CACNB2: variants seen among roughly 807,000 people sequenced by gnomAD.
The protein encoded by CACNB2 is calcium voltage-gated channel auxiliary subunit beta 2, also known as voltage-dependent L-type calcium channel subunit beta-2.
In CACNB2, 42 loss-of-function variants were observed where a neutral mutation model predicts 73.3. That is an observed-to-expected ratio of 0.57 (90% CI 0.45 to 0.74). The LOEUF (loss-of-function observed/expected upper bound fraction) is 0.74, where lower values mean the gene tolerates loss of function less well. Among genes scored for constraint, CACNB2 ranks in the 30% least tolerant of loss-of-function variants. The probability of loss-of-function intolerance (pLI) is 0.00; values close to 1 mark genes in which losing one functional copy is unlikely to be tolerated. For missense variants in CACNB2, 940 were observed against 853.0 expected, an observed-to-expected ratio of 1.10 and a Z score of -1.27; for synonymous variants, 348 against 310.3, an observed-to-expected ratio of 1.12 and a Z score of -1.28.
intron 1 of CACNB2, 107 bp from the exon 2 acceptor site, chr10:18,150,776 T>C (rs1429276588): frequency 1.5e-6 from 1 of 669,144 alleles, no homozygotes; most frequent in Non-Finnish European, 2.5e-6. Flanking sequence ...TGGCAATGTA[T>C]TACTTGTTTT....
intron 1 of CACNB2, among the ~76,000 whole-genome samples, chr10:18,149,890 A>G (rs2031352943): frequency 6.6e-6 from 1 of 152,154 alleles, no homozygotes; most frequent in Non-Finnish European, 1.5e-5. Context: ...TAAATACATT[A>G]TTTCGTTTCA....
At chr10:18,199,810 A>C (rs2034794035) in intron 2 of CACNB2, among the ~76,000 whole-genome samples, 1 of 152,180 alleles carries the variant, frequency 6.6e-6, no homozygotes, top group South Asian at 2.1e-4. Flanking sequence ...TTACAGTACT[A>C]ATAGTTCAGG....
chr10:18,264,227 A>T (rs1452379858), intron 2 of CACNB2, among the ~76,000 whole-genome samples: 1 of 152,228 alleles, frequency 6.6e-6, no homozygotes, highest in Non-Finnish European at 1.5e-5. Context: ...TATGGGGTAC[A>T]TAAGATGCTT....
intron 2 of CACNB2, among the ~76,000 whole-genome samples, chr10:18,169,126 A>G (rs1339386344): frequency 6.6e-6 from 1 of 151,878 alleles, no homozygotes; most frequent in East Asian, 1.9e-4. Context: ...GCATGATCAT[A>G]CTGTTGCATT....
chr10:18,258,321 G>T (rs2037370642), intron 2 of CACNB2, among the ~76,000 whole-genome samples: 2 of 152,148 alleles, frequency 1.3e-5, no homozygotes, highest in African/African-American at 2.4e-5. Flanking sequence ...TCATAGAGGG[G>T]ATAGATCATT....
At chr10:18,313,399 T>A (rs1674981234) in intron 2 of CACNB2, among the ~76,000 whole-genome samples, 1 of 151,390 alleles carries the variant, frequency 6.6e-6, no homozygotes, top group African/African-American at 2.4e-5. Flanking sequence ...CCTCTCCAAC[T>A]GTGACAACCA....
At chr10:18,325,503 AGTCT>A (rs769235482) in intron 2 of CACNB2, among the ~76,000 whole-genome samples, 153 of 151,166 alleles carry the variant, frequency 1.0e-3, no homozygotes, top group Non-Finnish European at 1.5e-3. Context: ...GATGAAACCT[AGTCT>A]GTCTGTCTTT....
intron 2 of CACNB2, among the ~76,000 whole-genome samples, chr10:18,301,871 T>C (rs779043356): frequency 6.6e-6 from 1 of 151,870 alleles, no homozygotes; most frequent in Non-Finnish European, 1.5e-5. Flanking sequence ...CTGGTCTCGA[T>C]CTCCTGACCT....
At chr10:18,516,397 T>A (rs1284686840) in intron 7 of CACNB2, among the ~76,000 whole-genome samples, 1 of 152,204 alleles carries the variant, frequency 6.6e-6, no homozygotes, top group African/African-American at 2.4e-5. Context: ...CCTTTGCTAG[T>A]TGGCAGTTAC....
chr10:18,226,858 A>G (rs1157952125), intron 2 of CACNB2, among the ~76,000 whole-genome samples: 1 of 152,074 alleles, frequency 6.6e-6, no homozygotes, highest in Non-Finnish European at 1.5e-5. Flanking sequence ...GTTTTGCCAC[A>G]CTGTACAGGT....
At chr10:18,323,033 G>A (rs2040452941) in intron 2 of CACNB2, among the ~76,000 whole-genome samples, 1 of 148,780 alleles carries the variant, frequency 6.7e-6, no homozygotes, top group Admixed American at 6.8e-5. Flanking sequence ...CATGATCATG[G>A]CCCATTGCTG....
rs751631146 is a variant in CACNB2 at position 18,141,194 on chromosome 10, T to C, written c.120+338T>C. 26 of 1,235,510 alleles carry C rather than the reference T, an allele frequency of 2.1e-5. No homozygotes were observed. In the African/African-American group the frequency reaches 4.0e-4, roughly 19 times the overall value. The allele number at this position is 1,235,510 out of a possible 1,614,324, so 76.5% of individuals were successfully genotyped here. ...CATGGAGAGACATGAATCAGGGGAGTGGACTGGACCTGCTGAAGATCGTGA... is the reference window on the plus strand; with the variant it reads ...CATGGAGAGACATGAATCAGGGGAGCGGACTGGACCTGCTGAAGATCGTGA... On this transcript the variant is annotated intron_variant, in intron 1 of 13. Transcript: ENST00000324631.
chr10:18,266,145 T>C (rs947578406), intron 2 of CACNB2, among the ~76,000 whole-genome samples: 12 of 152,232 alleles, frequency 7.9e-5, no homozygotes, highest in African/African-American at 2.9e-4. Context: ...GTTTACAAAA[T>C]GCTTTTATGC....
At chr10:18,315,354 AAAC>A (rs1456861001) in intron 2 of CACNB2, among the ~76,000 whole-genome samples, 1 of 150,428 alleles carries the variant, frequency 6.6e-6, no homozygotes, top group African/African-American at 2.5e-5. Flanking sequence ...AAACAAAACA[AAAC>A]AAAACAAAAA....
intron 2 of CACNB2, 120 bp from the exon 3 acceptor site, chr10:18,401,804 T>G: frequency 1.0e-6 from 1 of 983,326 alleles, no homozygotes; most frequent in South Asian, 1.3e-5. Context: ...ATGAATTATT[T>G]TCTCCTCTTT....
intron 6 of CACNB2, 87 bp from the exon 7 acceptor site, chr10:18,514,149 G>A: frequency 4.3e-6 from 6 of 1,400,036 alleles, no homozygotes; most frequent in Non-Finnish European, 6.1e-6. Context: ...TTTTTACTAT[G>A]GTTAGTTTTA....
In CACNB2 at chr10:18,542,767, C is replaced by A. The variant is rs1229018875; in HGVS notation, c.*3043C>A. ...CAAGGGCAATGGGATATTTACTGAC[C>A]TGCGGAATGTAAAGTTACAGTCTTT... On this transcript the variant is annotated 3_prime_UTR_variant, in exon 14 of 14. Coordinates refer to ENST00000324631, the MANE Select transcript of CACNB2 (RefSeq NM_201596.3). 2 of 152,064 alleles carry A rather than the reference C, an allele frequency of 1.3e-5. No individual in the cohort carries two copies. Among genetic ancestry groups the A allele is most frequent in the Non-Finnish European group, 2.9e-5 (2 of 68,010 alleles). 9.4% of individuals were successfully genotyped at this position (152,064 alleles called of 1,614,324 possible).
At chr10:18,523,414 C>T (rs552032106) in intron 9 of CACNB2, among the ~76,000 whole-genome samples, 1 of 152,216 alleles carries the variant, frequency 6.6e-6, no homozygotes, top group East Asian at 1.9e-4. Context: ...GACCCATGTT[C>T]GAGTGTATCA....
At chr10:18,352,442 A>G (rs936581830) in intron 2 of CACNB2, among the ~76,000 whole-genome samples, 1 of 152,240 alleles carries the variant, frequency 6.6e-6, no homozygotes, top group Non-Finnish European at 1.5e-5. Flanking sequence ...GTACTGAAAT[A>G]GGGAACAGTA....
Sources: allele counts gnomAD v4.1 joint callset (sites outside exome capture counted in the v4.1 genomes callset), GRCh38; gene constraint gnomAD v4.1.1; transcripts MANE v1.5; gene names NCBI Gene and HGNC (gene_info 2026-07-23, HGNC 2026-07-21).